KIAA0586: variants seen among roughly 807,000 people sequenced by gnomAD.
KIAA0586 encodes the protein KIAA0586.
In KIAA0586, 144 loss-of-function variants were observed where a neutral mutation model predicts 169.8. The observed-to-expected ratio is 0.85, with a 90% CI of 0.74 to 0.97. The LOEUF is 0.97. KIAA0586 is among the 50% of genes least tolerant of loss of function. The probability of loss-of-function intolerance (pLI) is 0.00; values close to 1 mark genes in which losing one functional copy is unlikely to be tolerated. For synonymous variants in KIAA0586, 625 were observed against 612.4 expected, an observed-to-expected ratio of 1.02 and a Z score of -0.30; for missense variants, 1,854 against 1,823.0, an observed-to-expected ratio of 1.02 and a Z score of -0.31.
intron 29 of KIAA0586, among the ~76,000 whole-genome samples, chr14:58,519,243 T>TTTTG (rs1265937723): frequency 6.6e-6 from 1 of 152,144 alleles, no homozygotes; most frequent in East Asian, 1.9e-4. Context: ...ATGCAGGTAG[T>TTTTG]TTTGTTTGTT....
At chr14:58,464,305 A>G (rs2040566080) in intron 14 of KIAA0586, among the ~76,000 whole-genome samples, 2 of 76,504 alleles carry the variant, frequency 2.6e-5, no homozygotes, top group African/African-American at 9.9e-5. Flanking sequence ...CACATACTAT[A>G]TAGTTAGTTT....
intron 16 of KIAA0586, among the ~76,000 whole-genome samples, chr14:58,469,758 T>C (rs2140978290): frequency 6.6e-6 from 1 of 152,310 alleles, no homozygotes; most frequent in South Asian, 2.1e-4. Flanking sequence ...AATAAGACTC[T>C]ACAAAAGAGG....
chr14:58,443,800 A>C (rs529251328), intron 5 of KIAA0586, among the ~76,000 whole-genome samples, 154 bp from the exon 6 acceptor site: 1 of 152,272 alleles, frequency 6.6e-6, no homozygotes, highest in South Asian at 2.1e-4. Flanking sequence ...TGTGACTCTA[A>C]AAATAAAGGC....
intron 8 of KIAA0586, among the ~76,000 whole-genome samples, chr14:58,452,755 T>A (rs1380148966): frequency 6.6e-6 from 1 of 152,134 alleles, no homozygotes; most frequent in African/African-American, 2.4e-5. Context: ...GGTCTCAAAC[T>A]CCTGGCCTCA....
At chr14:58,427,650 G>T (rs2036929074), upstream of KIAA0586, 1 of 1,535,678 alleles carries the variant, frequency 6.5e-7, no homozygotes, top group South Asian at 1.2e-5. Flanking sequence ...GAGTTTCTTG[G>T]CGCGCATGCG....
At position 58,506,677 on chromosome 14, in the gene KIAA0586, C is replaced by T. The variant is rs868190497; in HGVS notation, c.4169-1878C>T. 6.2e-4 allele frequency among the ~76,000 whole-genome samples: 89 copies of T among 143,994 alleles called. No homozygotes were observed. In the Middle Eastern group the frequency reaches 0.025, roughly 41 times the overall value. The allele number at this position is 143,994 out of a possible 152,430, so 94.5% of individuals were successfully genotyped here. A position where few individuals can be genotyped will look rare whatever the true frequency, so the allele number is the denominator to read the frequency against. ...ACTCCAGCCTGGGTGAGTGAGTCTC[C>T]GTCTCAAAAAAAAAAAAAAAAATTA... On this transcript the variant is annotated intron_variant, in intron 27 of 30. Transcript: ENST00000652326.
Position 58,498,845 on chromosome 14 carries a change from A to G in KIAA0586, c.4053A>G (p.Ala1351=). The change falls in exon 27 of 31, where the codon GCA becomes GCG. Residue 1351 remains alanine (A), a synonymous_variant. Transcript: ENST00000652326. ...AAAGACCCCAGCTAACAGCGGCAGC[A>G]GAGAACATCTTAATGGGACATTCTC... is the stretch of plus-strand genomic sequence containing the variant. ...EGQRPQLTAA[A]ENILMGHSLY... 6.2e-7 allele frequency: 1 copy of G among 1,611,894 alleles called. No individual in the cohort carries two copies. Among genetic ancestry groups the G allele is most frequent in the Non-Finnish European group, 8.5e-7 (1 of 1,178,978 alleles).
the KIAA0586 span, among the ~76,000 whole-genome samples, chr14:58,557,282 A>C: frequency 2.6e-5 from 4 of 152,190 alleles, no homozygotes; most frequent in African/African-American, 9.7e-5. Context: ...TTAATCCCCC[A>C]GGTACCACAG....
At chr14:58,477,640 G>A (rs1402611977) in intron 20 of KIAA0586, among the ~76,000 whole-genome samples, 1 of 152,116 alleles carries the variant, frequency 6.6e-6, no homozygotes, top group Non-Finnish European at 1.5e-5. Flanking sequence ...AAGAGTTTAA[G>A]TATTCATTGA....
intron 29 of KIAA0586, among the ~76,000 whole-genome samples, chr14:58,527,718 G>A (rs1595496184): frequency 6.6e-6 from 1 of 152,182 alleles, no homozygotes; most frequent in East Asian, 1.9e-4. Flanking sequence ...ACTAGACATG[G>A]CAAGGAAAAA....
chr14:58,517,009 T>A (rs947944138), intron 29 of KIAA0586, among the ~76,000 whole-genome samples: 2 of 152,150 alleles, frequency 1.3e-5, no homozygotes, highest in Non-Finnish European at 2.9e-5. Context: ...GGATCATAGA[T>A]CTAAATGTAA....
intron 8 of KIAA0586, among the ~76,000 whole-genome samples, chr14:58,451,468 C>T (rs2039384075): frequency 6.6e-6 from 1 of 151,978 alleles, no homozygotes; most frequent in Non-Finnish European, 1.5e-5. Flanking sequence ...CTCAAGCGAT[C>T]TGCCCGCCTC....
chr14:58,480,346 TAA>T (rs35326005), intron 20 of KIAA0586, among the ~76,000 whole-genome samples: 94,884 of 146,342 alleles, frequency 0.65, 30,839 homozygotes, highest in Admixed American at 0.7. Context: ...CTTCCTCTTT[TAA>T]AAAAAAAAAA....
intron 25 of KIAA0586, 27 bp from the exon 26 acceptor site, chr14:58,492,117 T>A (rs1223421745): frequency 4.0e-5 from 59 of 1,459,364 alleles, no homozygotes; most frequent in Non-Finnish European, 5.2e-5. Flanking sequence ...AATTTATTTT[T>A]ATTAATTGTC....
rs756576135 is a variant in KIAA0586 at position 58,465,819 on chromosome 14, T to C, written c.2060-16T>C. 2.4e-5 allele frequency: 35 copies of C among 1,478,492 alleles called. No individual in the cohort carries two copies. The highest frequency in any genetic ancestry group is 3.0e-5 in the Non-Finnish European group (32 of 1,076,692). The allele number at this position is 1,478,492 out of a possible 1,614,324, so 91.6% of individuals were successfully genotyped here. A position where few individuals can be genotyped will look rare whatever the true frequency, so the allele number is the denominator to read the frequency against. On this transcript the variant is annotated splice_polypyrimidine_tract_variant and intron_variant, in intron 14 of 30. Transcript: ENST00000652326. ...TAACAATATTTTAAAATATCTGCCA[T>C]TGGTGATTATTATAGGCACTAAGGT... is the stretch of plus-strand genomic sequence containing the variant.
intron 27 of KIAA0586, among the ~76,000 whole-genome samples, chr14:58,506,352 T>G (rs550086074): frequency 1.3e-5 from 2 of 152,238 alleles, no homozygotes; most frequent in South Asian, 4.2e-4. Context: ...ATAAATTGTT[T>G]TATACAGATT....
chr14:58,561,296 C>CT, the KIAA0586 span, among the ~76,000 whole-genome samples: 1 of 152,188 alleles, frequency 6.6e-6, no homozygotes, highest in South Asian at 2.1e-4. Flanking sequence ...ATCTGGATTT[C>CT]TCTTTTAAAA....
At chr14:58,467,553 T>C (rs908067665) in intron 15 of KIAA0586, among the ~76,000 whole-genome samples, 182 bp from the exon 16 acceptor site, 3 of 152,174 alleles carry the variant, frequency 2.0e-5, no homozygotes, top group Admixed American at 6.5e-5. Flanking sequence ...TACATATAAG[T>C]GCTTAATAAA....
intron 29 of KIAA0586, 182 bp from the exon 30 acceptor site, chr14:58,539,887 TAA>T (rs1181779490): frequency 2.0e-6 from 1 of 488,634 alleles, no homozygotes; most frequent in Non-Finnish European, 3.6e-6. Context: ...TGATAGTCAT[TAA>T]AATTCAGCTG....
Sources: gnomAD v4.1 joint callset for allele counts (sites outside exome capture counted in the v4.1 genomes callset) on GRCh38, gnomAD v4.1.1 for gene constraint, MANE v1.5 for transcripts, NCBI Gene and HGNC (gene_info 2026-07-23, HGNC 2026-07-21) for gene names.